Variants in FILIP1 observed in about 807,000 individuals in gnomAD.
The protein encoded by FILIP1 is filamin A interacting protein 1.
FILIP1 carries 61 observed loss-of-function variants against 102.1 expected under a neutral mutation model. That is an observed-to-expected ratio of 0.60 (90% CI 0.49 to 0.74). The LOEUF (loss-of-function observed/expected upper bound fraction) is 0.74, where lower values mean the gene tolerates loss of function less well. Among genes scored for constraint, FILIP1 ranks in the 30% least tolerant of loss-of-function variants. The pLI, the probability that FILIP1 is intolerant of heterozygous loss-of-function variation, is 0.00. For synonymous variants in FILIP1, 491 were observed against 526.9 expected (o/e 0.93, Z 0.93); for missense variants, 1,314 against 1,441.2 (o/e 0.91, Z 1.43).
chr6:75,305,329 G>A (rs765969813), downstream of FILIP1, among the ~76,000 whole-genome samples: 35 of 152,170 alleles, frequency 2.3e-4, no homozygotes, highest in Non-Finnish European at 1.5e-4. Flanking sequence ...TCTGGGGAAT[G>A]AGAAATTTAA....
At chr6:75,478,100 A>T (rs9343290) in intron 1 of FILIP1, among the ~76,000 whole-genome samples, 45,744 of 152,144 alleles carry the variant, frequency 0.3, 7,815 homozygotes, top group East Asian at 0.46. Context: ...CGCCCAATGT[A>T]TGAAAACAAA....
At position 75,354,472 on chromosome 6, in the gene FILIP1, G is replaced by A. The variant is rs1774919730; in HGVS notation, c.451-755C>T. On this transcript the variant is annotated intron_variant, in intron 3 of 5. Coordinates refer to ENST00000237172, the MANE Select transcript of FILIP1 (RefSeq NM_015687.5). ...TGTAATCCCAGCTACTCGGGAGGCTGAGGCAGGAGAGTGGCTTGATCCCTA... is the reference window on the plus strand; with the variant it reads ...TGTAATCCCAGCTACTCGGGAGGCTAAGGCAGGAGAGTGGCTTGATCCCTA... Among the ~76,000 whole-genome samples, 5 of 151,418 alleles carry A rather than the reference G, an allele frequency of 3.3e-5. No individual in the cohort carries two copies. The South Asian group carries it at 1.0e-3, about 32-fold the overall frequency.
intron 2 of FILIP1, among the ~76,000 whole-genome samples, chr6:75,412,381 C>T (rs944573566): frequency 1.3e-5 from 2 of 152,122 alleles, no homozygotes; most frequent in Admixed American, 1.3e-4. Flanking sequence ...ATTTGACTTC[C>T]TCTCTTCTTA....
chr6:75,380,510 A>C (rs1775879454), intron 2 of FILIP1, among the ~76,000 whole-genome samples: 1 of 152,206 alleles, frequency 6.6e-6, no homozygotes, highest in Non-Finnish European at 1.5e-5. Flanking sequence ...ATAAATAGGC[A>C]TTCTCATAAT....
chr6:75,488,931 G>T (rs998679600), intron 1 of FILIP1, among the ~76,000 whole-genome samples: 7 of 152,116 alleles, frequency 4.6e-5, no homozygotes, highest in Non-Finnish European at 8.8e-5. Context: ...TGAATCGCAA[G>T]AATTCATTTC....
intron 1 of FILIP1, among the ~76,000 whole-genome samples, chr6:75,460,282 A>G (rs540016282): frequency 6.6e-6 from 1 of 152,334 alleles, no homozygotes; most frequent in African/African-American, 2.4e-5. Flanking sequence ...AAGACTAAAA[A>G]GGGATAAAGA....
intron 1 of FILIP1, among the ~76,000 whole-genome samples, chr6:75,488,022 C>T (rs1442104674): frequency 1.3e-5 from 2 of 152,078 alleles, no homozygotes; most frequent in African/African-American, 4.8e-5. Flanking sequence ...ATAATTTCTG[C>T]ATTAGCTTTA....
intron 2 of FILIP1, among the ~76,000 whole-genome samples, chr6:75,387,968 C>T (rs1315976579): frequency 2.0e-5 from 3 of 152,084 alleles, no homozygotes; most frequent in Non-Finnish European, 4.4e-5. Context: ...ATGCCTATGT[C>T]CTGAATGGTA....
intron 1 of FILIP1, among the ~76,000 whole-genome samples, chr6:75,484,831 G>A (rs1779740081): frequency 6.6e-6 from 1 of 152,232 alleles, no homozygotes. Context: ...ACTAGGGGCA[G>A]ATGTGCAAAG....
At chr6:75,294,398 T>A (rs2149529459) in exon 7 of FILIP1, 1 of 152,190 alleles carries the variant, frequency 6.6e-6, no homozygotes, top group South Asian at 2.1e-4. Flanking sequence ...TTTAAAGTTA[T>A]CTTTAAAGAC....
chr6:75,406,561 G>C (rs1776853476), intron 2 of FILIP1, among the ~76,000 whole-genome samples: 1 of 151,530 alleles, frequency 6.6e-6, no homozygotes, highest in Non-Finnish European at 1.5e-5. Flanking sequence ...GTAATATCTA[G>C]TGCCTAAAAC....
At chr6:75,437,109 G>T (rs760208838) in intron 1 of FILIP1, among the ~76,000 whole-genome samples, 2 of 152,160 alleles carry the variant, frequency 1.3e-5, no homozygotes, top group African/African-American at 4.8e-5. Context: ...GAAATATTAT[G>T]AAGACAGAAC....
chr6:75,414,951 C>A lies in FILIP1; in HGVS notation c.22G>T (p.Gly8Cys). The part of the protein sequence containing the change: MRSRNQG[G>C]ESASDGHISC... ...ATATGCCCATCAGATGCACTTTCAC[C>A]ACCTTGGTTTCGAGATCTCATTCCC... is the stretch of plus-strand genomic sequence containing the variant. Residue 8 changes from glycine to cysteine, a missense_variant, in exon 2 of 6, where the codon GGT becomes TGT. Coordinates refer to ENST00000237172, the MANE Select transcript of FILIP1 (RefSeq NM_015687.5). The A allele has an allele frequency of 6.2e-7, 1 of 1,613,664 alleles. No individual in the cohort carries two copies. The highest frequency in any genetic ancestry group is 8.5e-7 in the Non-Finnish European group (1 of 1,179,694).
At chr6:75,372,700 A>G (rs1351184570) in intron 2 of FILIP1, among the ~76,000 whole-genome samples, 6 of 55,920 alleles carry the variant, frequency 1.1e-4, no homozygotes, top group African/African-American at 7.7e-4. Flanking sequence ...AGAAAGAGAA[A>G]GAAAGAAAGA....
chr6:75,487,022 CAG>C (rs1779807991), intron 1 of FILIP1, among the ~76,000 whole-genome samples: 1 of 152,034 alleles, frequency 6.6e-6, no homozygotes, highest in South Asian at 2.1e-4. Context: ...GAACGAACAA[CAG>C]GCTATGGCCA....
chr6:75,407,249 G>GTTTTTT (rs1776891603), intron 2 of FILIP1, among the ~76,000 whole-genome samples: 1 of 151,022 alleles, frequency 6.6e-6, no homozygotes. Context: ...TTTTTGAGAC[G>GTTTTTT]GAGTCTCACT....
chr6:75,424,057 A>T (rs1348981513), intron 1 of FILIP1, among the ~76,000 whole-genome samples: 1 of 152,184 alleles, frequency 6.6e-6, no homozygotes, highest in Non-Finnish European at 1.5e-5. Flanking sequence ...TAAAGCAAGT[A>T]CTATAATTAT....
At chr6:75,396,116 C>G (rs1562542720) in intron 2 of FILIP1, among the ~76,000 whole-genome samples, 1 of 151,774 alleles carries the variant, frequency 6.6e-6, no homozygotes, top group African/African-American at 2.4e-5. Flanking sequence ...TAAAAAGAGG[C>G]TCCCAACATT....
chr6:75,294,454 A>G (rs1772616926), exon 7 of FILIP1: 2 of 152,072 alleles, frequency 1.3e-5, no homozygotes, highest in Admixed American at 6.5e-5. Flanking sequence ...AAAAAAAAGT[A>G]TATTACCAGG....
Sources: gnomAD v4.1 joint callset for allele counts (sites outside exome capture counted in the v4.1 genomes callset) on GRCh38, gnomAD v4.1.1 for gene constraint, MANE v1.5 for transcripts, NCBI Gene and HGNC (gene_info 2026-07-23, HGNC 2026-07-21) for gene names.